NEK11: variants seen among roughly 807,000 people sequenced by gnomAD.
NEK11 encodes the protein NIMA related kinase 11.
In NEK11, 72 loss-of-function variants were observed where a neutral mutation model predicts 80.7. That is an observed-to-expected ratio of 0.89 (90% CI 0.74 to 1.08). NEK11 has a LOEUF of 1.08. NEK11 is among the 50% of genes least tolerant of loss of function. The probability of loss-of-function intolerance (pLI) is 0.00; values close to 1 mark genes in which losing one functional copy is unlikely to be tolerated. For synonymous variants in NEK11, 251 were observed against 260.7 expected (o/e 0.96, Z 0.36); for missense variants, 764 against 763.6 (o/e 1.00, Z -0.01).
At chr3:131,038,132 A>C (rs2065926220) in intron 3 of NEK11, among the ~76,000 whole-genome samples, 1 of 152,116 alleles carries the variant, frequency 6.6e-6, no homozygotes, top group Non-Finnish European at 1.5e-5. Context: ...GCATATTAAA[A>C]TATTAAAAAT....
chr3:131,080,732 A>G, intron 4 of NEK11, 144 bp downstream of exon 4: 1 of 692,458 alleles, frequency 1.4e-6, no homozygotes, highest in Admixed American at 3.3e-5. Context: ...GCAGCTAAGA[A>G]TGATTATCTG....
At chr3:131,084,623 T>C (rs1448461789) in intron 4 of NEK11, among the ~76,000 whole-genome samples, 2 of 152,184 alleles carry the variant, frequency 1.3e-5, no homozygotes, top group Non-Finnish European at 2.9e-5. Context: ...GTAGTGGTTG[T>C]GGTGGAGAGA....
intron 14 of NEK11, among the ~76,000 whole-genome samples, chr3:131,214,949 T>A (rs921232076): frequency 2.0e-5 from 3 of 152,118 alleles, no homozygotes; most frequent in African/African-American, 7.2e-5. Context: ...TGTAGTTAAA[T>A]TTAGCCCTGG....
At chr3:131,191,428 C>T (rs1265743356) in intron 14 of NEK11, among the ~76,000 whole-genome samples, 3 of 152,160 alleles carry the variant, frequency 2.0e-5, no homozygotes, top group Admixed American at 2.0e-4. Flanking sequence ...CTGGACCAAG[C>T]CCTTCTGATG....
chr3:131,162,909 C>G (rs1435680490), intron 11 of NEK11, among the ~76,000 whole-genome samples: 1 of 152,178 alleles, frequency 6.6e-6, no homozygotes, highest in Non-Finnish European at 1.5e-5. Flanking sequence ...GGAGACCTCA[C>G]TTATTTATAG....
At chr3:131,188,479 T>C (rs1397021790) in intron 14 of NEK11, among the ~76,000 whole-genome samples, 3 of 152,182 alleles carry the variant, frequency 2.0e-5, no homozygotes, top group African/African-American at 7.2e-5. Flanking sequence ...TAGAAATCTC[T>C]TCAAATTTAC....
intron 14 of NEK11, among the ~76,000 whole-genome samples, chr3:131,215,252 A>C (rs1222350679): frequency 7.7e-6 from 1 of 129,524 alleles, no homozygotes; most frequent in Non-Finnish European, 1.6e-5. Flanking sequence ...GAAGGGGAAC[A>C]TCACACACCG....
At chr3:131,287,099 G>A (rs778775702) in intron 17 of NEK11, among the ~76,000 whole-genome samples, 2 of 152,200 alleles carry the variant, frequency 1.3e-5, no homozygotes, top group Admixed American at 1.3e-4. Flanking sequence ...GCCCATGGAA[G>A]CTGGACTGCA....
chr3:131,168,835 AAC>A lies in NEK11; in HGVS notation c.1186_1187del (p.His396PhefsTer12). 1 of 1,612,660 alleles carries A rather than the reference AAC, an allele frequency of 6.2e-7. No homozygotes were observed. The highest frequency in any genetic ancestry group is 1.3e-5 in the African/African-American group (1 of 75,010). On this transcript the variant is annotated frameshift_variant, in exon 13 of 18. Coordinates refer to ENST00000383366, the MANE Select transcript of NEK11 (RefSeq NM_024800.5). LOFTEE classifies it high-confidence loss of function. ...QLSVDVLHEK[T>X]HLKGMEEKEE... ...CTTTGTCATAATCTCTTTAGGAAAAAACACATTTAAAAGGAATGGAAGAAAAG... is the reference window on the plus strand; with the variant it reads ...CTTTGTCATAATCTCTTTAGGAAAAAACATTTAAAAGGAATGGAAGAAAAG...
At chr3:131,253,867 A>G (rs2095755281) in intron 16 of NEK11, among the ~76,000 whole-genome samples, 1 of 152,174 alleles carries the variant, frequency 6.6e-6, no homozygotes, top group Admixed American at 6.6e-5. Context: ...GATTACTGGA[A>G]CTTCTTTCTA....
At chr3:131,230,488 T>C (rs1442213529) in intron 15 of NEK11, among the ~76,000 whole-genome samples, 1 of 152,180 alleles carries the variant, frequency 6.6e-6, no homozygotes, top group Non-Finnish European at 1.5e-5. Flanking sequence ...TGCTCAGAAT[T>C]TAATAAAATA....
At chr3:131,045,523 A>G (rs1434307803) in intron 3 of NEK11, among the ~76,000 whole-genome samples, 1 of 152,302 alleles carries the variant, frequency 6.6e-6, no homozygotes, top group South Asian at 2.1e-4. Flanking sequence ...TACTTGATAT[A>G]ATTTCAATTT....
chr3:131,050,275 GT>G lies in NEK11; in HGVS notation c.170+20401del, dbSNP rs2068151796. On this transcript the variant is annotated intron_variant, in intron 3 of 17. Coordinates refer to ENST00000383366, the MANE Select transcript of NEK11 (RefSeq NM_024800.5). The stretch of plus-strand genomic sequence containing the variant: ...CAGATCATCAGGAGATTGCAGTAGA[GT>G]TTTAAGCCCTTGCGGTCCCCACTGC... Among the ~76,000 whole-genome samples the G allele has an allele frequency of 2.6e-5, 4 of 152,346 alleles. No individual in the cohort carries two copies. The South Asian group carries it at 8.3e-4, about 32-fold the overall frequency.
At chr3:131,140,263 G>A (rs2086594286) in intron 7 of NEK11, among the ~76,000 whole-genome samples, 1 of 152,146 alleles carries the variant, frequency 6.6e-6, no homozygotes, top group African/African-American at 2.4e-5. Context: ...CAACTACCCT[G>A]TTGTGAGGAA....
At chr3:131,126,577 A>AACAGAC (rs1272101942) in intron 5 of NEK11, among the ~76,000 whole-genome samples, 2 of 152,208 alleles carry the variant, frequency 1.3e-5, no homozygotes, top group African/African-American at 4.8e-5. Context: ...CTTTCCATGT[A>AACAGAC]ACAGACATTC....
intron 3 of NEK11, among the ~76,000 whole-genome samples, chr3:131,041,893 C>T (rs1476897713): frequency 1.3e-5 from 2 of 152,158 alleles, no homozygotes; most frequent in Admixed American, 6.5e-5. Flanking sequence ...GCATTTCCAA[C>T]TGAGGTACCT....
chr3:131,272,200 G>C (rs965307981), intron 16 of NEK11, among the ~76,000 whole-genome samples: 2 of 152,148 alleles, frequency 1.3e-5, no homozygotes, highest in Non-Finnish European at 1.5e-5. Context: ...TGTTATATGA[G>C]ATATGTTGAG....
intron 14 of NEK11, among the ~76,000 whole-genome samples, chr3:131,209,010 G>A (rs1170524130): frequency 1.3e-5 from 2 of 152,150 alleles, no homozygotes; most frequent in African/African-American, 4.8e-5. Flanking sequence ...TGTTGAATAG[G>A]AGTGGTGAGA....
intron 16 of NEK11, among the ~76,000 whole-genome samples, chr3:131,269,017 T>C (rs2096122543): frequency 6.6e-6 from 1 of 152,244 alleles, no homozygotes; most frequent in Non-Finnish European, 1.5e-5. Context: ...TTTGCCAAGC[T>C]GCGGTGGGCT....
Sources: allele counts gnomAD v4.1 joint callset (sites outside exome capture counted in the v4.1 genomes callset), GRCh38; gene constraint gnomAD v4.1.1; transcripts MANE v1.5; gene names NCBI Gene and HGNC (gene_info 2026-07-23, HGNC 2026-07-21).